C1orf226: variants seen among roughly 807,000 people sequenced by gnomAD.
The protein encoded by C1orf226 is uncharacterized protein C1orf226.
A neutral mutation model predicts 10.5 loss-of-function variants in C1orf226; 4 were observed. The ratio of observed to expected loss-of-function variants is 0.38; its 90% CI spans 0.19 to 0.87. The LOEUF is 0.87. Among genes scored for constraint, C1orf226 ranks in the 40% least tolerant of loss-of-function variants. The pLI, the probability that C1orf226 is intolerant of heterozygous loss-of-function variation, is 0.41. For missense variants in C1orf226, 313 were observed against 336.2 expected (o/e 0.93, Z 0.54); for synonymous variants, 125 against 139.3 (o/e 0.90, Z 0.72).
upstream of C1orf226, chr1:162,379,137 G>A: frequency 3.0e-6 from 2 of 671,608 alleles, no homozygotes; most frequent in South Asian, 1.8e-5. Flanking sequence ...CCTGGCTGGG[G>A]TCCAGTCATC....
chr1:162,382,271 A>G, intron 1 of C1orf226, 53 bp downstream of exon 1: 1 of 1,529,066 alleles, frequency 6.5e-7, no homozygotes. Context: ...CCACTTGAAA[A>G]GGTACAGGGA....
Position 162,383,850 on chromosome 1 carries a change from C to T in C1orf226, c.*167C>T, listed in dbSNP as rs1261579804. 1 of 674,380 alleles carries T rather than the reference C, an allele frequency of 1.5e-6. No individual in the cohort carries two copies. Among genetic ancestry groups the T allele is most frequent in the African/African-American group, 1.8e-5 (1 of 55,342 alleles). 41.8% of individuals were successfully genotyped at this position (674,380 alleles called of 1,614,324 possible). A position where few individuals can be genotyped will look rare whatever the true frequency, so the allele number is the denominator to read the frequency against. On this transcript the variant is annotated 3_prime_UTR_variant, in exon 2 of 2. Transcript: ENST00000458626. ...ATGGGATTTTGCAGGACTGGAAGTC[C>T]TTGAGTAGTTCTAGTTAAAGAGTCT...
rs1419664228 is a variant in C1orf226, at chr1:162,381,750, C to T, written c.-152C>T. ...ACTACACTGGAAAGTTCAAGAGTGTCTTTGCTGGCTCTTTCTTGAATATTT... is the reference window on the plus strand; with the variant it reads ...ACTACACTGGAAAGTTCAAGAGTGTTTTTGCTGGCTCTTTCTTGAATATTT... On this transcript the variant is annotated 5_prime_UTR_variant, in exon 1 of 2. Transcript: ENST00000458626. 2.4e-5 allele frequency: 35 copies of T among 1,467,372 alleles called. No individual in the cohort carries two copies. The highest frequency in any genetic ancestry group is 3.1e-5 in the Non-Finnish European group (34 of 1,114,124). 90.9% of individuals were successfully genotyped at this position (1,467,372 alleles called of 1,614,324 possible). A position where few individuals can be genotyped will look rare whatever the true frequency, so the allele number is the denominator to read the frequency against.
upstream of C1orf226, among the ~76,000 whole-genome samples, chr1:162,381,509 G>C (rs759280735): frequency 1.3e-5 from 2 of 152,128 alleles, no homozygotes; most frequent in Non-Finnish European, 2.9e-5. Context: ...AGCTCAGCAC[G>C]TGCTTACGGT....
Position 162,385,925 on chromosome 1 carries a change from C to G in C1orf226, c.*2242C>G, listed in dbSNP as rs1323947741. The stretch of plus-strand genomic sequence containing the variant: ...TAAGTACCCTGCCTCCACTCTATAG[C>G]CCAGCTGCTGCTGGAGTCCAGGACC... On this transcript the variant is annotated 3_prime_UTR_variant, in exon 2 of 2. Coordinates refer to ENST00000458626, the MANE Select transcript of C1orf226 (RefSeq NM_001085375.2). 1 of 152,352 alleles carries G rather than the reference C, an allele frequency of 6.6e-6. No homozygotes were observed. Among genetic ancestry groups the G allele is most frequent in the Non-Finnish European group, 1.5e-5 (1 of 68,208 alleles). The allele number at this position is 152,352 out of a possible 1,614,324, so 9.4% of individuals were successfully genotyped here.
At position 162,383,292 on chromosome 1, in the gene C1orf226, C is replaced by T. The variant is rs1457398031; in HGVS notation, c.428C>T (p.Pro143Leu). ...TTQDMLISSQ[P>L]VLSSLEYGTE... is the part of the protein sequence containing the mutation. ...CAGGACATGCTGATTTCATCACAGC[C>T]TGTCCTCAGCAGTCTGGAGTATGGG... The change falls in exon 2 of 2, where the codon CCT becomes CTT. Residue 143 changes from proline (P) to leucine (L), a missense_variant. Transcript: ENST00000458626. 6.2e-7 allele frequency: 1 copy of T among 1,613,684 alleles called. No homozygotes were observed. The highest frequency in any genetic ancestry group is 1.7e-5 in the Admixed American group (1 of 59,994).
chr1:162,381,894 A>T lies in C1orf226; in HGVS notation c.-8A>T, dbSNP rs1417260095. 1.9e-6 allele frequency: 3 copies of T among 1,612,288 alleles called. No individual in the cohort carries two copies. The African/African-American group carries it at 4.0e-5, about 22-fold the overall frequency. On this transcript the variant is annotated 5_prime_UTR_variant, in exon 1 of 2. It removes the in-frame stop codon of an upstream open reading frame in the 5' UTR. Coordinates refer to ENST00000458626, the MANE Select transcript of C1orf226 (RefSeq NM_001085375.2). The stretch of plus-strand genomic sequence containing the variant: ...TCTGTCGCCTCTTTGTTCATAGTTG[A>T]CCACGGCATGTTTGAGAATTTGAAC...
Position 162,383,951 on chromosome 1 carries a change from C to T in C1orf226, c.*268C>T. 2.1e-6 allele frequency: 1 copy of T among 476,448 alleles called. No homozygotes were observed. Among genetic ancestry groups the T allele is most frequent in the Non-Finnish European group, 3.7e-6 (1 of 268,678 alleles). 29.5% of individuals were successfully genotyped at this position (476,448 alleles called of 1,614,324 possible). On this transcript the variant is annotated 3_prime_UTR_variant, in exon 2 of 2. Coordinates refer to ENST00000458626, the MANE Select transcript of C1orf226 (RefSeq NM_001085375.2). Reference sequence around the variant, plus strand: ...TAACCTCCTCTGAGTGGGCTGCAGCCCTTGGACATTAGAGCTCTTCCACTC... The same window carrying T: ...TAACCTCCTCTGAGTGGGCTGCAGCTCTTGGACATTAGAGCTCTTCCACTC...
At chr1:162,382,297 G>A in intron 1 of C1orf226, 79 bp downstream of exon 1, 1 of 1,486,348 alleles carries the variant, frequency 6.7e-7, no homozygotes, top group Non-Finnish European at 9.0e-7. Context: ...TGCAGTGTCT[G>A]CACAGGAGAA....
At chr1:162,379,332 T>G (rs987280254), upstream of C1orf226, among the ~76,000 whole-genome samples, 1 of 152,126 alleles carries the variant, frequency 6.6e-6, no homozygotes, top group Non-Finnish European at 1.5e-5. Context: ...AGGGCAGTTA[T>G]CCGGGTCTGA....
intron 1 of C1orf226, among the ~76,000 whole-genome samples, 177 bp from the exon 2 acceptor site, chr1:162,383,005 G>A (rs1647969019): frequency 6.6e-6 from 1 of 152,222 alleles, no homozygotes; most frequent in African/African-American, 2.4e-5. Flanking sequence ...AAAAGCTACT[G>A]TTATGCTGAA....
At chr1:162,380,887 G>C (rs1647883275), upstream of C1orf226, among the ~76,000 whole-genome samples, 1 of 152,234 alleles carries the variant, frequency 6.6e-6, no homozygotes, top group African/African-American at 2.4e-5. Flanking sequence ...CCAAACCCAG[G>C]CTAGGTGTTG....
rs1648017891 is a variant in C1orf226 at position 162,383,876 on chromosome 1, A to G, written c.*193A>G. ...TTGAGTAGTTCTAGTTAAAGAGTCT[A>G]TCCGCAGAATGGCTGAAGGACTTGA... On this transcript the variant is annotated 3_prime_UTR_variant, in exon 2 of 2. Transcript: ENST00000458626. 2 of 594,404 alleles carry G rather than the reference A, an allele frequency of 3.4e-6. No homozygotes were observed. Among genetic ancestry groups the G allele is most frequent in the African/African-American group, 1.9e-5 (1 of 54,012 alleles). The allele number at this position is 594,404 out of a possible 1,614,324, so 36.8% of individuals were successfully genotyped here.
Position 162,382,028 on chromosome 1 carries a change from C to G in C1orf226, c.127C>G (p.Leu43Val). The change falls in exon 1 of 2, where the codon CTC becomes GTC. Residue 43 changes from leucine (L) to valine (V), a missense_variant. Leu to Val is a conservative substitution (Grantham distance 32). Transcript: ENST00000458626. Reference sequence around the variant, plus strand: ...CTCTGGTGAGCCTGGGGGGCCAGGACTCTGGGTGGGCAGCAGCCAGCACCT... The same window carrying G: ...CTCTGGTGAGCCTGGGGGGCCAGGAGTCTGGGTGGGCAGCAGCCAGCACCT... ...LGSGEPGGPG[L>V]WVGSSQHLKN... 6.2e-7 allele frequency: 1 copy of G among 1,611,820 alleles called. No individual in the cohort carries two copies. Among genetic ancestry groups the G allele is most frequent in the East Asian group, 2.2e-5 (1 of 44,840 alleles).
chr1:162,382,897 G>C (rs1363669550), intron 1 of C1orf226, among the ~76,000 whole-genome samples: 1 of 152,158 alleles, frequency 6.6e-6, no homozygotes, highest in South Asian at 2.1e-4. Flanking sequence ...TTACTGCCTG[G>C]GTTCTGATTT....
At position 162,384,369 on chromosome 1, in the gene C1orf226, A is replaced by T. The variant is rs1379811458; in HGVS notation, c.*686A>T. On this transcript the variant is annotated 3_prime_UTR_variant, in exon 2 of 2. Transcript: ENST00000458626. The stretch of plus-strand genomic sequence containing the variant: ...GTTCACCCAGGGTTTGAACGCTGCC[A>T]CCCAGGGTTCCCAAGGTTTCTCCCA... The T allele has an allele frequency of 6.6e-6, 1 of 152,234 alleles. No individual in the cohort carries two copies. Among genetic ancestry groups the T allele is most frequent in the Non-Finnish European group, 1.5e-5 (1 of 68,054 alleles). 9.4% of individuals were successfully genotyped at this position (152,234 alleles called of 1,614,324 possible). A position where few individuals can be genotyped will look rare whatever the true frequency, so the allele number is the denominator to read the frequency against.
chr1:162,383,661 C>G lies in C1orf226; in HGVS notation c.797C>G (p.Pro266Arg). The G allele has an allele frequency of 6.2e-7, 1 of 1,606,766 alleles. No homozygotes were observed. The highest frequency in any genetic ancestry group is 8.5e-7 in the Non-Finnish European group (1 of 1,177,362). The change falls in exon 2 of 2, where the codon CCA (proline) becomes CGA (arginine). Residue 266 changes from proline to arginine, a missense_variant. By Grantham distance (103) the Pro-to-Arg change is moderately radical. Coordinates refer to ENST00000458626, the MANE Select transcript of C1orf226 (RefSeq NM_001085375.2). ...TSSLDNEGPH[P>R]DLLSFE ...AGCCTCGACAATGAGGGCCCTCACC[C>G]AGACCTGCTGTCCTTTGAATAGAGC...
At chr1:162,380,231 T>A (rs1206996050), upstream of C1orf226, among the ~76,000 whole-genome samples, 2 of 152,152 alleles carry the variant, frequency 1.3e-5, no homozygotes, top group Non-Finnish European at 2.9e-5. Context: ...GTCCCAGGGA[T>A]GCTGTCATGC....
rs1487188398 is a variant in C1orf226, at chr1:162,385,037, G to A, written c.*1354G>A. On this transcript the variant is annotated 3_prime_UTR_variant, in exon 2 of 2. Coordinates refer to ENST00000458626, the MANE Select transcript of C1orf226 (RefSeq NM_001085375.2). ...TGTGACCAGCAGATCCTGTAAGGGGGTGATCCTAATTCTGGGGCTCTTTGC... is the reference window on the plus strand; with the variant it reads ...TGTGACCAGCAGATCCTGTAAGGGGATGATCCTAATTCTGGGGCTCTTTGC... 1 of 152,794 alleles carries A rather than the reference G, an allele frequency of 6.5e-6. No homozygotes were observed. Among genetic ancestry groups the A allele is most frequent in the East Asian group, 1.9e-4 (1 of 5,170 alleles). 9.5% of individuals were successfully genotyped at this position (152,794 alleles called of 1,614,324 possible). A position where few individuals can be genotyped will look rare whatever the true frequency, so the allele number is the denominator to read the frequency against.
Sources: allele counts gnomAD v4.1 joint callset (sites outside exome capture counted in the v4.1 genomes callset), GRCh38; gene constraint gnomAD v4.1.1; transcripts MANE v1.5; gene names NCBI Gene and HGNC (gene_info 2026-07-23, HGNC 2026-07-21).